The following BBS9 variants were observed in gnomAD, a reference collection of about 807,000 sequenced individuals.
BBS9 encodes the protein Bardet-Biedl syndrome 9.
A neutral mutation model predicts 117.7 loss-of-function variants in BBS9; 89 were observed. The observed-to-expected ratio is 0.76, with a 90% CI of 0.64 to 0.90. The LOEUF is 0.90. Among genes scored for constraint, BBS9 ranks in the 40% least tolerant of loss-of-function variants. BBS9 has a pLI of 0.00. For synonymous variants in BBS9, 379 were observed against 370.9 expected (o/e 1.02, Z -0.25); for missense variants, 982 against 1,042.2 (o/e 0.94, Z 0.80).
intron 5 of BBS9, among the ~76,000 whole-genome samples, chr7:33,247,700 GTCTC>G (rs1342299460): frequency 6.6e-6 from 1 of 152,136 alleles, no homozygotes; most frequent in Non-Finnish European, 1.5e-5. Context: ...TAGCGACTGT[GTCTC>G]TCCTAGCACA....
At position 33,572,307 on chromosome 7, in the gene BBS9, T is replaced by C. The variant is rs966199745; in HGVS notation, c.2522-32558T>C. On this transcript the variant is annotated intron_variant, in intron 21 of 22. Transcript: ENST00000242067. ...TCTTTTATGTCTGAATAATATTCCATTGTTTATATGTATCACATTTTCTTC... is the reference window on the plus strand; with the variant it reads ...TCTTTTATGTCTGAATAATATTCCACTGTTTATATGTATCACATTTTCTTC... 3.3e-5 allele frequency among the ~76,000 whole-genome samples: 5 copies of C among 152,188 alleles called. No individual in the cohort carries two copies. In the East Asian group the frequency reaches 7.7e-4, roughly 23 times the overall value.
intron 19 of BBS9, among the ~76,000 whole-genome samples, chr7:33,485,036 T>C (rs559905327): frequency 1.3e-5 from 2 of 152,086 alleles, no homozygotes; most frequent in South Asian, 2.1e-4. Flanking sequence ...AGCAAACTAA[T>C]GCAAGAACAG....
chr7:33,516,495 A>C (rs1379511612), intron 20 of BBS9, among the ~76,000 whole-genome samples: 1 of 148,838 alleles, frequency 6.7e-6, no homozygotes, highest in Non-Finnish European at 1.5e-5. Context: ...TCCAAAAAAA[A>C]AAAAAAAAAA....
chr7:33,604,747 A>G (rs1433955344), intron 21 of BBS9, 118 bp from the exon 22 acceptor site: 1 of 779,894 alleles, frequency 1.3e-6, no homozygotes, highest in Non-Finnish European at 2.2e-6. Context: ...ACTCCTGAAG[A>G]TTGTTGTCAC....
chr7:33,414,948 A>G (rs754144555), intron 19 of BBS9, among the ~76,000 whole-genome samples: 63 of 152,322 alleles, frequency 4.1e-4, no homozygotes, highest in Non-Finnish European at 6.3e-4. Context: ...TTTTTTAAAA[A>G]TTGAAATCAC....
intron 19 of BBS9, among the ~76,000 whole-genome samples, chr7:33,423,035 G>A (rs1016473637): frequency 2.6e-5 from 4 of 152,144 alleles, no homozygotes; most frequent in African/African-American, 7.2e-5. Context: ...ACTGAATGCC[G>A]CTTTCCAAAC....
chr7:33,596,299 C>T (rs28722796), intron 21 of BBS9, among the ~76,000 whole-genome samples: 26,086 of 143,298 alleles, frequency 0.18, 3,026 homozygotes, highest in African/African-American at 0.32. Context: ...CACACACACA[C>T]TTATATATGT....
chr7:33,304,843 C>T (rs924601826), intron 9 of BBS9, among the ~76,000 whole-genome samples: 18 of 152,120 alleles, frequency 1.2e-4, no homozygotes, highest in Non-Finnish European at 2.6e-4. Context: ...CCCCCAACCC[C>T]GTGCTCTCTG....
At chr7:33,307,580 A>T (rs1293323144) in intron 9 of BBS9, among the ~76,000 whole-genome samples, 2 of 152,132 alleles carry the variant, frequency 1.3e-5, no homozygotes, top group Non-Finnish European at 2.9e-5. Flanking sequence ...TGAATACTAA[A>T]GTCTCTTATA....
chr7:33,393,307 A>G (rs1165993408), intron 19 of BBS9, among the ~76,000 whole-genome samples: 1 of 152,196 alleles, frequency 6.6e-6, no homozygotes, highest in East Asian at 1.9e-4. Context: ...TGAAGGATGG[A>G]ATCTATTATC....
At chr7:33,407,466 G>A (rs372418363) in intron 19 of BBS9, among the ~76,000 whole-genome samples, 48 of 152,238 alleles carry the variant, frequency 3.2e-4, no homozygotes, top group Non-Finnish European at 5.9e-4. Context: ...GCTTTGTTCC[G>A]TTGCTGGTGA....
intron 19 of BBS9, among the ~76,000 whole-genome samples, chr7:33,443,207 C>G (rs550590883): frequency 1.8e-4 from 27 of 152,150 alleles, no homozygotes; most frequent in African/African-American, 6.0e-4. Flanking sequence ...AACCCAAACC[C>G]TTCAATCCTA....
chr7:33,146,350 G>A lies in BBS9; in HGVS notation c.98G>A (p.Ser33Asn). Residue 33 changes from serine to asparagine, a missense_variant, in exon 2 of 23, where the codon AGT (serine) becomes AAT (asparagine). Transcript: ENST00000242067. ...GCLCLANVDN[S>N]GNGQDKIIVG... The stretch of plus-strand genomic sequence containing the variant: ...TTGTGTCTGGCTAATGTTGACAATA[G>A]TGGAAATGGACAAGGTAAGCAACTT... 6.2e-7 allele frequency: 1 copy of A among 1,613,488 alleles called. No homozygotes were observed. The highest frequency in any genetic ancestry group is 1.1e-5 in the South Asian group (1 of 91,062).
At chr7:33,501,016 C>T (rs1845372659) in intron 19 of BBS9, among the ~76,000 whole-genome samples, 1 of 152,208 alleles carries the variant, frequency 6.6e-6, no homozygotes, top group African/African-American at 2.4e-5. Flanking sequence ...AAATCGTTAG[C>T]ATTTATTGTT....
At chr7:33,589,428 T>G (rs563019729) in intron 21 of BBS9, among the ~76,000 whole-genome samples, 1 of 152,234 alleles carries the variant, frequency 6.6e-6, no homozygotes, top group East Asian at 1.9e-4. Flanking sequence ...GCAGGTAACT[T>G]AAACTGCAGA....
chr7:33,154,235 T>C (rs1194550200), intron 3 of BBS9, among the ~76,000 whole-genome samples: 1 of 152,206 alleles, frequency 6.6e-6, no homozygotes, highest in Non-Finnish European at 1.5e-5. Flanking sequence ...ATGATGAGTA[T>C]ATATTAATTG....
chr7:33,292,588 G>A (rs1804292708), intron 9 of BBS9, among the ~76,000 whole-genome samples: 4 of 152,224 alleles, frequency 2.6e-5, no homozygotes, highest in Middle Eastern at 6.8e-3. Context: ...ATTATGTCAG[G>A]TGAATATCCC....
chr7:33,516,604 G>A (rs1204303606), intron 20 of BBS9, among the ~76,000 whole-genome samples: 1 of 151,672 alleles, frequency 6.6e-6, no homozygotes, highest in East Asian at 1.9e-4. Flanking sequence ...GGTTTGAATT[G>A]GGGACAGGAA....
At chr7:33,366,543 CTT>C (rs70989948) in intron 16 of BBS9, among the ~76,000 whole-genome samples, 1 of 89,688 alleles carries the variant, frequency 1.1e-5, no homozygotes, top group Non-Finnish European at 2.1e-5. Flanking sequence ...TCTTTTCTTT[CTT>C]TTTTTTTTTT....
Sources: gnomAD v4.1 joint callset for allele counts (sites outside exome capture counted in the v4.1 genomes callset) on GRCh38, gnomAD v4.1.1 for gene constraint, MANE v1.5 for transcripts, NCBI Gene and HGNC (gene_info 2026-07-23, HGNC 2026-07-21) for gene names.